CDH13: variants seen among roughly 807,000 people sequenced by gnomAD.
CDH13 encodes cadherin-13.
A neutral mutation model predicts 63.8 loss-of-function variants in CDH13; 24 were observed. The ratio of observed to expected loss-of-function variants is 0.38; its 90% CI spans 0.27 to 0.53. CDH13 has a LOEUF of 0.53. CDH13 is among the 20% of genes least tolerant of loss of function. CDH13 has a pLI of 0.85. For synonymous variants in CDH13, 503 were observed against 355.3 expected, an observed-to-expected ratio of 1.42 and a Z score of -4.67; for missense variants, 1,049 against 903.1, an observed-to-expected ratio of 1.16 and a Z score of -2.07.
intron 1 of CDH13, among the ~76,000 whole-genome samples, chr16:82,793,749 C>T (rs757843428): frequency 2.0e-5 from 3 of 152,092 alleles, no homozygotes; most frequent in Non-Finnish European, 4.4e-5. Context: ...CAGGGCGCTC[C>T]CCAAGCTCTG....
intron 2 of CDH13, among the ~76,000 whole-genome samples, chr16:83,001,733 C>T (rs889599549): frequency 6.6e-6 from 1 of 152,140 alleles, no homozygotes; most frequent in African/African-American, 2.4e-5. Flanking sequence ...ACCCAGAGGA[C>T]ATTTGATGTA....
chr16:83,673,941 C>T (rs571772938), intron 9 of CDH13, among the ~76,000 whole-genome samples: 2 of 152,308 alleles, frequency 1.3e-5, no homozygotes, highest in East Asian at 3.9e-4. Flanking sequence ...AGTGGACTTT[C>T]TTTGCTTTGG....
chr16:83,178,287 C>T (rs558899298), intron 4 of CDH13, among the ~76,000 whole-genome samples: 2 of 152,204 alleles, frequency 1.3e-5, no homozygotes, highest in East Asian at 1.9e-4. Context: ...AGCAGCCCTC[C>T]TCCGCCAGCT....
intron 7 of CDH13, among the ~76,000 whole-genome samples, chr16:83,567,455 G>T (rs1192923776): frequency 6.6e-6 from 1 of 152,202 alleles, no homozygotes; most frequent in African/African-American, 2.4e-5. Context: ...AAGAAGAGTT[G>T]CTTGCATAAG....
At chr16:83,071,369 A>C (rs2032426096) in intron 3 of CDH13, among the ~76,000 whole-genome samples, 1 of 152,204 alleles carries the variant, frequency 6.6e-6, no homozygotes, top group African/African-American at 2.4e-5. Context: ...GAGGTTAAAT[A>C]GTCTGCCCAG....
At chr16:83,366,800 G>T (rs543908855) in intron 6 of CDH13, among the ~76,000 whole-genome samples, 2 of 152,060 alleles carry the variant, frequency 1.3e-5, no homozygotes, top group Admixed American at 6.6e-5. Context: ...AGAAGGTCAT[G>T]GTGTGGTGGT....
intron 3 of CDH13, among the ~76,000 whole-genome samples, chr16:83,101,046 G>C (rs1004262750): frequency 1.3e-5 from 2 of 152,010 alleles, no homozygotes; most frequent in African/African-American, 4.8e-5. Flanking sequence ...AAAATTATTT[G>C]TCAAATATTG....
chr16:82,874,079 C>T (rs533264039), intron 2 of CDH13, among the ~76,000 whole-genome samples: 19 of 151,962 alleles, frequency 1.3e-4, no homozygotes, highest in Admixed American at 2.6e-4. Context: ...CACGATTCTA[C>T]GAGCGGGGTC....
At chr16:82,743,965 C>G (rs1042489161) in intron 1 of CDH13, among the ~76,000 whole-genome samples, 4 of 152,138 alleles carry the variant, frequency 2.6e-5, no homozygotes, top group African/African-American at 7.2e-5. Context: ...CTACTATATA[C>G]CAGGTGCTCT....
intron 1 of CDH13, among the ~76,000 whole-genome samples, chr16:82,676,188 T>G (rs773605376): frequency 2.9e-4 from 44 of 152,180 alleles, no homozygotes; most frequent in Admixed American, 9.2e-4. Context: ...GGTCTTTCGG[T>G]TTAGTCATCT....
intron 1 of CDH13, among the ~76,000 whole-genome samples, chr16:82,686,439 T>C (rs1915077449): frequency 6.6e-6 from 1 of 152,176 alleles, no homozygotes; most frequent in African/African-American, 2.4e-5. Flanking sequence ...TGGTTACTGG[T>C]GTCAACGGAG....
At chr16:82,857,573 G>A (rs1006019945) in intron 1 of CDH13, among the ~76,000 whole-genome samples, 1 of 152,110 alleles carries the variant, frequency 6.6e-6, no homozygotes, top group Admixed American at 6.5e-5. Context: ...CTAAATTTTT[G>A]ACCGCTGGAT....
chr16:82,701,996 A>T (rs145298260), intron 1 of CDH13, among the ~76,000 whole-genome samples: 1 of 152,284 alleles, frequency 6.6e-6, no homozygotes, highest in East Asian at 1.9e-4. Context: ...TAAGCGGCTT[A>T]CAAAGAGCAA....
At chr16:83,582,487 A>G (rs1331858800) in intron 7 of CDH13, among the ~76,000 whole-genome samples, 1 of 152,084 alleles carries the variant, frequency 6.6e-6, no homozygotes, top group African/African-American at 2.4e-5. Context: ...TTCTAGTAGA[A>G]AAAAAAGTAA....
intron 1 of CDH13, among the ~76,000 whole-genome samples, chr16:82,812,815 C>G (rs1254427116): frequency 6.6e-6 from 1 of 150,800 alleles, no homozygotes; most frequent in Non-Finnish European, 1.5e-5. Flanking sequence ...TTCCTTTTTC[C>G]TTCCTTCCTT....
At chr16:83,282,537 C>T (rs959618965) in intron 5 of CDH13, among the ~76,000 whole-genome samples, 1 of 152,140 alleles carries the variant, frequency 6.6e-6, no homozygotes, top group African/African-American at 2.4e-5. Context: ...GTCACTAAAA[C>T]CCCTGTCTAT....
chr16:83,081,873 T>G (rs956099889), intron 3 of CDH13, among the ~76,000 whole-genome samples: 1 of 151,312 alleles, frequency 6.6e-6, no homozygotes, highest in Non-Finnish European at 1.5e-5. Context: ...TGATCTCGGC[T>G]CACCATAACC....
At chr16:82,690,967 A>G (rs1284758447) in intron 1 of CDH13, among the ~76,000 whole-genome samples, 5 of 152,244 alleles carry the variant, frequency 3.3e-5, no homozygotes, top group South Asian at 2.1e-4. Context: ...AAAGGTTGAG[A>G]GGAAAGCCAG....
intron 6 of CDH13, among the ~76,000 whole-genome samples, chr16:83,385,167 A>T (rs749092286): frequency 5.9e-5 from 9 of 152,366 alleles, no homozygotes; most frequent in Middle Eastern, 3.4e-3. Context: ...AAGGGACCAA[A>T]GTATAAAATT....
Sources: allele counts gnomAD v4.1 joint callset (sites outside exome capture counted in the v4.1 genomes callset), GRCh38; gene constraint gnomAD v4.1.1; transcripts MANE v1.5; gene names NCBI Gene and HGNC (gene_info 2026-07-23, HGNC 2026-07-21).